Variants in ZNF77 observed in about 807,000 individuals in gnomAD.
The protein encoded by ZNF77 is zinc finger protein 77.
In ZNF77, 15 loss-of-function variants were observed where a neutral mutation model predicts 13.5. The observed-to-expected ratio is 1.11, with a 90% confidence interval of 0.74 to 1.71. The LOEUF (loss-of-function observed/expected upper bound fraction) is 1.71, where lower values mean the gene tolerates loss of function less well. Ranked by LOEUF, ZNF77 falls within the 40% of genes most tolerant of loss-of-function variation. The pLI is 0.00. For missense variants in ZNF77, 717 were observed against 676.4 expected (o/e 1.06, Z -0.67); for synonymous variants, 282 against 250.0 (o/e 1.13, Z -1.21).
chr19:2,934,519 AC>A lies in ZNF77; in HGVS notation c.607del (p.Val203Ter). 1 of 1,614,214 alleles carries A rather than the reference AC, an allele frequency of 6.2e-7. No homozygotes were observed. Among genetic ancestry groups the A allele is most frequent in the Non-Finnish European group, 8.5e-7 (1 of 1,180,042 alleles). ...AGACTTTTTACTGCTGAGACTTTTC[AC>A]GTATGTCACAGATGCTGTCCTTGAG... The part of the protein sequence containing the change: ...QDSRTASVTY[V>X]KSLSSKKSYE... On this transcript the variant is annotated frameshift_variant, in exon 4 of 4. Coordinates refer to ENST00000314531, the MANE Select transcript of ZNF77 (RefSeq NM_021217.3). LOFTEE classifies it low-confidence loss of function (END_TRUNC).
chr19:2,940,370 A>AG, intron 1 of ZNF77, among the ~76,000 whole-genome samples: 1 of 152,124 alleles, frequency 6.6e-6, no homozygotes, highest in East Asian at 1.9e-4. Context: ...CCAAAAAAAA[A>AG]AAGGCTAAAA....
At chr19:2,943,692 A>ATTTTTTTTTT (rs10633206) in intron 1 of ZNF77, among the ~76,000 whole-genome samples, 35 of 76,734 alleles carry the variant, frequency 4.6e-4, no homozygotes, top group Non-Finnish European at 6.4e-4. Flanking sequence ...TCTAGCCAGG[A>ATTTTTTTTTT]TTTTTTTTTT....
chr19:2,933,875 T>C lies in ZNF77; in HGVS notation c.1252A>G (p.Ser418Gly), dbSNP rs755754336. ...YQCKECGKAY[S>G]FSSSLRIHVR... ...TGGATTCGAAGGGAGGAGGAAAAAC[T>C]GTAGGCTTTCCCACACTCTTTACAT... The change falls in exon 4 of 4, where the codon AGT becomes GGT. Residue 418 changes from serine (S) to glycine (G), a missense_variant. By Grantham distance (56) the Ser-to-Gly change is moderately conservative. Coordinates refer to ENST00000314531, the MANE Select transcript of ZNF77 (RefSeq NM_021217.3). 40 of 1,613,588 alleles carry C rather than the reference T, an allele frequency of 2.5e-5. No individual in the cohort carries two copies. Among genetic ancestry groups the C allele is most frequent in the Non-Finnish European group, 3.2e-5 (38 of 1,179,916 alleles).
At chr19:2,943,266 T>C (rs1002323757) in intron 1 of ZNF77, among the ~76,000 whole-genome samples, 1 of 150,448 alleles carries the variant, frequency 6.6e-6, no homozygotes, top group African/African-American at 2.5e-5. Flanking sequence ...CTGCCTCTAA[T>C]CCAACTAACC....
At chr19:2,935,533 G>T (rs555847702) in intron 3 of ZNF77, among the ~76,000 whole-genome samples, 3 of 142,266 alleles carry the variant, frequency 2.1e-5, no homozygotes, top group African/African-American at 5.3e-5. Flanking sequence ...GTTTCTCCAT[G>T]TTGGTCAGGC....
chr19:2,939,114 G>A (rs570160927), intron 2 of ZNF77, among the ~76,000 whole-genome samples, 167 bp downstream of exon 2: 1 of 75,900 alleles, frequency 1.3e-5, no homozygotes, highest in South Asian at 6.0e-4. Context: ...ACCCAAGGAG[G>A]CAGTGAGGGA....
intron 1 of ZNF77, among the ~76,000 whole-genome samples, chr19:2,942,049 G>A (rs1599621914): frequency 1.3e-5 from 2 of 150,338 alleles, no homozygotes; most frequent in Non-Finnish European, 1.5e-5. Context: ...CTAAGGACAA[G>A]AAAAAAAAGG....
In ZNF77 at chr19:2,933,891, C is replaced by T. The variant is rs754576718; in HGVS notation, c.1236G>A (p.Glu412=). ...AGGAAAAACTGTAGGCTTTCCCACACTCTTTACATTGATAGGGCTTCACCC... is the reference window on the plus strand; with the variant it reads ...AGGAAAAACTGTAGGCTTTCCCACATTCTTTACATTGATAGGGCTTCACCC... ...HSGVKPYQCK[E]CGKAYSFSSS... is the part of the protein sequence containing the mutation. Residue 412 remains glutamate (E), a synonymous_variant, in exon 4 of 4, where the codon GAG becomes GAA. Transcript: ENST00000314531. 26 of 1,612,524 alleles carry T rather than the reference C, an allele frequency of 1.6e-5. No homozygotes were observed. Among genetic ancestry groups the T allele is most frequent in the Non-Finnish European group, 2.2e-5 (26 of 1,179,710 alleles).
intron 3 of ZNF77, 28 bp from the exon 4 acceptor site, chr19:2,934,843 G>C (rs1323418075): frequency 2.5e-6 from 4 of 1,578,942 alleles, no homozygotes; most frequent in Middle Eastern, 1.7e-4. Flanking sequence ...CAAGCTACTA[G>C]TCATGAATGA....
At position 2,938,158 on chromosome 19, in the gene ZNF77, C is replaced by A. The variant is rs113965711; in HGVS notation, c.130+1123G>T. Reference sequence around the variant, plus strand: ...TCTCCTGGTGCTCACAGGCACAGGGCCCTTACAGGAGTCCTTCCTCCACTA... The same window carrying A: ...TCTCCTGGTGCTCACAGGCACAGGGACCTTACAGGAGTCCTTCCTCCACTA... On this transcript the variant is annotated intron_variant, in intron 2 of 3. Transcript: ENST00000314531. 4.2e-3 allele frequency among the ~76,000 whole-genome samples: 646 copies of A among 152,296 alleles called. 3 individuals are homozygous for A. Among genetic ancestry groups the A allele is most frequent in the African/African-American group, 0.015 (630 of 41,574 alleles).
chr19:2,938,993 CTT>C (rs2144965672), intron 2 of ZNF77, among the ~76,000 whole-genome samples: 1 of 151,886 alleles, frequency 6.6e-6, no homozygotes, highest in East Asian at 1.9e-4. Flanking sequence ...ACCAAGGTCT[CTT>C]TGCTCTCCAG....
Position 2,933,693 on chromosome 19 carries a change from G to A in ZNF77, c.1434C>T (p.Tyr478=). ...QCGKAFSHAQ[Y]FQKHVRSHSG... is the part of the protein sequence containing the mutation. ...TGTGTGATCTCACATGCTTTTGAAA[G>A]TACTGAGCGTGGCTGAAGGCTTTCC... The change falls in exon 4 of 4, where the codon TAC becomes TAT. Residue 478 remains tyrosine, a synonymous_variant. Transcript: ENST00000314531. 3.1e-6 allele frequency: 5 copies of A among 1,611,868 alleles called. No individual in the cohort carries two copies. Among genetic ancestry groups the A allele is most frequent in the Non-Finnish European group, 4.2e-6 (5 of 1,178,300 alleles).
In ZNF77 at chr19:2,933,493, G is replaced by A. The variant is rs371211953; in HGVS notation, c.1634C>T (p.Ala545Val). The change falls in exon 4 of 4, where the codon GCG (alanine) becomes GTG (valine). Residue 545 changes from alanine to valine, a missense_variant. Ala to Val is a moderately conservative substitution (Grantham distance 64, BLOSUM62 0). Transcript: ENST00000314531. ...AGGTCCACTGTATTCGTAGATTCAC[G>A]CTCCAGCATGTGTTCTCACATGTGC... ...LQAHVRTHAG[A>V] The A allele has an allele frequency of 4.1e-5, 63 of 1,552,152 alleles. No homozygotes were observed. Among genetic ancestry groups the A allele is most frequent in the African/African-American group, 3.9e-4 (29 of 73,422 alleles).
At chr19:2,944,146 G>A (rs1182032905) in intron 1 of ZNF77, among the ~76,000 whole-genome samples, 4 of 146,072 alleles carry the variant, frequency 2.7e-5, no homozygotes, top group Non-Finnish European at 3.0e-5. Flanking sequence ...TGCCTCTACT[G>A]TCCCCCAACA....
In ZNF77 at chr19:2,933,351, C is replaced by G. The variant is rs543173386; in HGVS notation, c.*138G>C. On this transcript the variant is annotated 3_prime_UTR_variant, in exon 4 of 4. Coordinates refer to ENST00000314531, the MANE Select transcript of ZNF77 (RefSeq NM_021217.3). Reference sequence around the variant, plus strand: ...CATATTAATCATAATTAAGAGATTTCTCTCCTACTCTGAATTTTTAGGTAC... The same window carrying G: ...CATATTAATCATAATTAAGAGATTTGTCTCCTACTCTGAATTTTTAGGTAC... The G allele has an allele frequency of 9.8e-7, 1 of 1,018,970 alleles. No homozygotes were observed. The highest frequency in any genetic ancestry group is 1.4e-6 in the Non-Finnish European group (1 of 719,496). The allele number at this position is 1,018,970 out of a possible 1,614,324, so 63.1% of individuals were successfully genotyped here.
chr19:2,937,412 G>C (rs2088407336), intron 2 of ZNF77, among the ~76,000 whole-genome samples: 1 of 151,986 alleles, frequency 6.6e-6, no homozygotes, highest in Admixed American at 6.6e-5. Context: ...TTGTACCTGG[G>C]AGGTGGGGGT....
At chr19:2,938,397 T>C (rs1028450879) in intron 2 of ZNF77, among the ~76,000 whole-genome samples, 1 of 152,236 alleles carries the variant, frequency 6.6e-6, no homozygotes. Context: ...TTTATCACAG[T>C]GTACTTTGAT....
intron 3 of ZNF77, among the ~76,000 whole-genome samples, chr19:2,935,865 A>C (rs1294467601): frequency 6.6e-6 from 1 of 151,798 alleles, no homozygotes; most frequent in Non-Finnish European, 1.5e-5. Flanking sequence ...AAAACACAAA[A>C]ATTAGCCAGG....
chr19:2,944,719 C>T (rs932024502), intron 1 of ZNF77, 119 bp downstream of exon 1: 143 of 1,361,328 alleles, frequency 1.1e-4, no homozygotes, highest in Non-Finnish European at 1.3e-4. Context: ...GGCCCAGGCG[C>T]TCGTCGTGCG....
Sources: gnomAD v4.1 joint callset for allele counts (sites outside exome capture counted in the v4.1 genomes callset) on GRCh38, gnomAD v4.1.1 for gene constraint, MANE v1.5 for transcripts, NCBI Gene and HGNC (gene_info 2026-07-23, HGNC 2026-07-21) for gene names.